The following SH3D19 variants were observed in gnomAD, a reference collection of about 807,000 sequenced individuals.
SH3D19 encodes the protein SH3 domain containing 19, also known as SH3 domain-containing protein 19.
In SH3D19, 58 loss-of-function variants were observed where a neutral mutation model predicts 112.1. The ratio of observed to expected loss-of-function variants is 0.52; its 90% CI spans 0.42 to 0.64. The LOEUF (loss-of-function observed/expected upper bound fraction) is 0.64. Among genes scored for constraint, SH3D19 ranks in the 30% least tolerant of loss-of-function variants. SH3D19 has a pLI of 0.00. For synonymous variants in SH3D19, 391 were observed against 448.5 expected, an observed-to-expected ratio of 0.87 and a Z score of 1.62; for missense variants, 1,090 against 1,263.4, an observed-to-expected ratio of 0.86 and a Z score of 2.08.
At chr4:151,250,915 G>T (rs139587200) in intron 1 of SH3D19, among the ~76,000 whole-genome samples, 3 of 152,324 alleles carry the variant, frequency 2.0e-5, no homozygotes, top group African/African-American at 4.8e-5. Flanking sequence ...AACAAAGACT[G>T]TTGGCCGATG....
chr4:151,286,523 A>G (rs1427898366), intron 1 of SH3D19, among the ~76,000 whole-genome samples: 1 of 151,650 alleles, frequency 6.6e-6, no homozygotes, highest in East Asian at 1.9e-4. Flanking sequence ...GAAACACACA[A>G]ACTACCATAA....
chr4:151,175,828 A>G, intron 6 of SH3D19, 154 bp from the exon 7 acceptor site: 1 of 656,270 alleles, frequency 1.5e-6, no homozygotes, highest in Non-Finnish European at 2.2e-6. Context: ...GTGATTCAAA[A>G]ATGGAAATGT....
chr4:151,266,489 T>C (rs1196092278), intron 1 of SH3D19, among the ~76,000 whole-genome samples: 1 of 152,232 alleles, frequency 6.6e-6, no homozygotes, highest in Non-Finnish European at 1.5e-5. Context: ...ACACATTTAG[T>C]TGCTCGACTC....
At chr4:151,244,280 T>G (rs541593179) in intron 1 of SH3D19, among the ~76,000 whole-genome samples, 71 of 152,310 alleles carry the variant, frequency 4.7e-4, no homozygotes, top group East Asian at 1.2e-3. Flanking sequence ...TGTTTTGTTT[T>G]GTTTGGTTCA....
intron 1 of SH3D19, among the ~76,000 whole-genome samples, chr4:151,229,268 T>C (rs1279928857): frequency 6.6e-6 from 1 of 152,172 alleles, no homozygotes; most frequent in African/African-American, 2.4e-5. Flanking sequence ...TATGAATAAC[T>C]TTCTAGCCCA....
At chr4:151,208,952 C>T (rs1369448356) in intron 2 of SH3D19, among the ~76,000 whole-genome samples, 6 of 152,278 alleles carry the variant, frequency 3.9e-5, no homozygotes, top group African/African-American at 7.2e-5. Context: ...GCTGGGATTA[C>T]AGGCTTGAGC....
At chr4:151,124,664 GCC>G (rs1197299287) in intron 19 of SH3D19, among the ~76,000 whole-genome samples, 1 of 151,982 alleles carries the variant, frequency 6.6e-6, no homozygotes. Flanking sequence ...GTTGCAGTGA[GCC>G]GAGATCGCGC....
intron 1 of SH3D19, among the ~76,000 whole-genome samples, chr4:151,287,669 A>AG (rs1774945447): frequency 6.6e-6 from 1 of 152,120 alleles, no homozygotes; most frequent in Non-Finnish European, 1.5e-5. Flanking sequence ...CCAAGACGGG[A>AG]GGATCACTTG....
chr4:151,248,833 G>T (rs1358535139), intron 1 of SH3D19, among the ~76,000 whole-genome samples: 1 of 151,942 alleles, frequency 6.6e-6, no homozygotes, highest in Non-Finnish European at 1.5e-5. Flanking sequence ...AAAACAAAAT[G>T]CAAACAACGC....
At chr4:151,212,490 C>T (rs897821584) in intron 2 of SH3D19, among the ~76,000 whole-genome samples, 1 of 152,162 alleles carries the variant, frequency 6.6e-6, no homozygotes, top group African/African-American at 2.4e-5. Flanking sequence ...TATGATAAAT[C>T]TATTCTGCCA....
chr4:151,229,780 T>C (rs1376341862), intron 1 of SH3D19, among the ~76,000 whole-genome samples: 3 of 152,018 alleles, frequency 2.0e-5, no homozygotes, highest in Non-Finnish European at 4.4e-5. Context: ...CTGGACGTGG[T>C]GGTGCACGCC....
At chr4:151,196,634 A>G (rs958970342) in intron 2 of SH3D19, among the ~76,000 whole-genome samples, 1 of 152,022 alleles carries the variant, frequency 6.6e-6, no homozygotes. Context: ...CATATAATCT[A>G]TTTTTCTTGA....
chr4:151,266,818 T>C (rs1294762135), intron 1 of SH3D19, among the ~76,000 whole-genome samples: 1 of 152,230 alleles, frequency 6.6e-6, no homozygotes, highest in Non-Finnish European at 1.5e-5. Flanking sequence ...ATTTACTTTA[T>C]GACTCCTCTG....
At chr4:151,180,252 A>ACATATTATTG (rs1760641558) in intron 3 of SH3D19, among the ~76,000 whole-genome samples, 1 of 152,210 alleles carries the variant, frequency 6.6e-6, no homozygotes, top group Admixed American at 6.5e-5. Context: ...TGTTTATAGC[A>ACATATTATTG]CATATTATTG....
At chr4:151,134,071 A>G (rs747099814) in intron 15 of SH3D19, among the ~76,000 whole-genome samples, 11 of 152,226 alleles carry the variant, frequency 7.2e-5, no homozygotes, top group African/African-American at 1.2e-4. Flanking sequence ...CAATGGGTCA[A>G]TGACTGTAAA....
chr4:151,293,765 G>C (rs138804413), intron 1 of SH3D19, among the ~76,000 whole-genome samples: 1 of 152,234 alleles, frequency 6.6e-6, no homozygotes, highest in Non-Finnish European at 1.5e-5. Context: ...ATCCCTTATT[G>C]TGGCCTACAA....
intron 1 of SH3D19, among the ~76,000 whole-genome samples, chr4:151,238,545 C>T (rs567623000): frequency 1.3e-5 from 2 of 152,220 alleles, no homozygotes; most frequent in Admixed American, 6.5e-5. Flanking sequence ...GTAGCTGACC[C>T]TGCAAAATGA....
At chr4:151,125,588 T>G (rs1339190993) in intron 19 of SH3D19, among the ~76,000 whole-genome samples, 4 of 150,776 alleles carry the variant, frequency 2.7e-5, no homozygotes, top group African/African-American at 9.7e-5. Flanking sequence ...GCATGGTGGC[T>G]CACACCTGTA....
chr4:151,165,451 A>G (rs1757844685), intron 8 of SH3D19, 138 bp downstream of exon 8: 1 of 664,428 alleles, frequency 1.5e-6, no homozygotes, highest in South Asian at 2.5e-5. Context: ...AAGAATTGTG[A>G]AAAAACAATT....
Sources: allele counts gnomAD v4.1 joint callset (sites outside exome capture counted in the v4.1 genomes callset), GRCh38; gene constraint gnomAD v4.1.1; transcripts MANE v1.5; gene names NCBI Gene and HGNC (gene_info 2026-07-23, HGNC 2026-07-21).